The following CEP57 variants were observed in gnomAD, a reference collection of about 807,000 sequenced individuals.
CEP57 encodes the protein centrosomal protein of 57 kDa.
CEP57 carries 40 observed loss-of-function variants against 68.0 expected under a neutral mutation model. That is an observed-to-expected ratio of 0.59 (90% CI 0.46 to 0.77). The LOEUF (loss-of-function observed/expected upper bound fraction) is 0.77, where lower values mean the gene tolerates loss of function less well. CEP57 is among the 30% of genes least tolerant of loss of function. The pLI, the probability that CEP57 is intolerant of heterozygous loss-of-function variation, is 0.00. For missense variants in CEP57, 606 were observed against 580.7 expected, an observed-to-expected ratio of 1.04 and a Z score of -0.45; for synonymous variants, 219 against 198.7, an observed-to-expected ratio of 1.10 and a Z score of -0.86.
intron 8 of CEP57, 119 bp from the exon 9 acceptor site, chr11:95,827,667 T>G (rs1005554710): frequency 1.8e-6 from 2 of 1,102,324 alleles, no homozygotes; most frequent in Non-Finnish European, 2.7e-6. Context: ...AGAATAATTT[T>G]AGGATTTATA....
At chr11:95,793,424 C>T (rs571413) in intron 1 of CEP57, among the ~76,000 whole-genome samples, 14,240 of 151,694 alleles carry the variant, frequency 0.094, 930 homozygotes, top group Non-Finnish European at 0.13. Flanking sequence ...TTTGGTCCTT[C>T]GACCAAGCTG....
chr11:95,817,479 A>C (rs756243811), intron 4 of CEP57, among the ~76,000 whole-genome samples: 3 of 152,248 alleles, frequency 2.0e-5, no homozygotes, highest in Non-Finnish European at 4.4e-5. Flanking sequence ...ACTTGACAGG[A>C]CCAAACTAAA....
At chr11:95,805,680 A>C (rs1232170749) in intron 2 of CEP57, among the ~76,000 whole-genome samples, 1 of 152,234 alleles carries the variant, frequency 6.6e-6, no homozygotes, top group African/African-American at 2.4e-5. Context: ...TTTAAGATTT[A>C]TATAATATAG....
At chr11:95,819,335 C>T (rs1590948930) in intron 6 of CEP57, among the ~76,000 whole-genome samples, 1 of 152,160 alleles carries the variant, frequency 6.6e-6, no homozygotes, top group Non-Finnish European at 1.5e-5. Flanking sequence ...TTGACCCAGA[C>T]CAGTTAACAG....
intron 6 of CEP57, among the ~76,000 whole-genome samples, chr11:95,820,996 G>C (rs1862497513): frequency 6.6e-6 from 1 of 152,314 alleles, no homozygotes; most frequent in African/African-American, 2.4e-5. Context: ...ATGGAATCCA[G>C]TGGTTCTGAA....
chr11:95,820,591 A>C (rs923175428), intron 6 of CEP57, among the ~76,000 whole-genome samples: 2 of 151,918 alleles, frequency 1.3e-5, no homozygotes, highest in South Asian at 2.1e-4. Flanking sequence ...AAAAAAAAAA[A>C]AAAAAACAGT....
rs768269976 is a variant in CEP57 at position 95,821,935 on chromosome 11, A to G, written c.764A>G (p.Asn255Ser). Residue 255 changes from asparagine (N) to serine (S), a missense_variant, in exon 7 of 11, where the codon AAT becomes AGT. Physicochemically the swap from Asn to Ser is conservative, Grantham distance 46. Transcript: ENST00000325542. Reference sequence around the variant, plus strand: ...GATAAGGCAACTCCGTGTGTTCCCAATGCAAGAAGAATTAAAAAAAAGAAG... The same window carrying G: ...GATAAGGCAACTCCGTGTGTTCCCAGTGCAAGAAGAATTAAAAAAAAGAAG... ...FEDKATPCVP[N>S]ARRIKKKKSK... is the part of the protein sequence containing the mutation. The G allele has an allele frequency of 1.6e-4, 255 of 1,612,760 alleles. No homozygotes were observed. The Admixed American group carries it at 4.0e-3, about 25-fold the overall frequency.
rs866634017 is a variant in CEP57 at position 95,831,716 on chromosome 11, A to T, written c.*460A>T. On this transcript the variant is annotated 3_prime_UTR_variant, in exon 11 of 11. Transcript: ENST00000325542. ...CCTTTCCAAAGCAACCATTAAACAT[A>T]CTTTGTTTCTACTATTGGTGGAGTT... is the stretch of plus-strand genomic sequence containing the variant. 2 of 152,328 alleles carry T rather than the reference A, an allele frequency of 1.3e-5. No homozygotes were observed. Among genetic ancestry groups the T allele is most frequent in the South Asian group, 4.1e-4 (2 of 4,834 alleles). 9.4% of individuals were successfully genotyped at this position (152,328 alleles called of 1,614,324 possible). A position where few individuals can be genotyped will look rare whatever the true frequency, so the allele number is the denominator to read the frequency against.
At chr11:95,818,440 A>G (rs1189674423) in intron 5 of CEP57, among the ~76,000 whole-genome samples, 1 of 151,938 alleles carries the variant, frequency 6.6e-6, no homozygotes. Flanking sequence ...AATGTTTTTG[A>G]GTATCCTTAA....
chr11:95,804,864 G>T (rs995696225), intron 2 of CEP57, among the ~76,000 whole-genome samples: 1 of 150,350 alleles, frequency 6.7e-6, no homozygotes, highest in African/African-American at 2.5e-5. Flanking sequence ...GATTATGGGT[G>T]TGATTTTTTT....
intron 2 of CEP57, among the ~76,000 whole-genome samples, chr11:95,809,155 G>T (rs766423914): frequency 1.3e-5 from 2 of 152,116 alleles, no homozygotes; most frequent in Non-Finnish European, 2.9e-5. Flanking sequence ...TGAAACCAAC[G>T]AGAACAAAGA....
intron 1 of CEP57, chr11:95,795,448 G>A: frequency 2.4e-6 from 1 of 421,510 alleles, no homozygotes; most frequent in Middle Eastern, 3.4e-4. Flanking sequence ...GTTCTATTTA[G>A]TCATGATACG....
At chr11:95,803,859 G>C (rs1175269180) in intron 2 of CEP57, among the ~76,000 whole-genome samples, 1 of 152,014 alleles carries the variant, frequency 6.6e-6, no homozygotes, top group Non-Finnish European at 1.5e-5. Flanking sequence ...GCATTATCTG[G>C]GTTTCAGCGT....
intron 4 of CEP57, among the ~76,000 whole-genome samples, chr11:95,817,315 C>T (rs1439080713): frequency 8.6e-5 from 13 of 151,814 alleles, no homozygotes; most frequent in African/African-American, 2.7e-4. Flanking sequence ...TGCGGTGAGC[C>T]GAGATCAGCC....
chr11:95,828,650 A>G (rs559322637), intron 9 of CEP57, among the ~76,000 whole-genome samples: 24 of 152,246 alleles, frequency 1.6e-4, no homozygotes, highest in Non-Finnish European at 7.3e-5. Context: ...TAGACTTTAC[A>G]TATACAATAC....
At chr11:95,812,592 G>A (rs543496481) in intron 2 of CEP57, among the ~76,000 whole-genome samples, 5 of 151,846 alleles carry the variant, frequency 3.3e-5, no homozygotes, top group African/African-American at 9.7e-5. Context: ...ACAGGCGCCC[G>A]CCACTATGCC....
At chr11:95,828,914 C>T (rs913880025) in intron 9 of CEP57, among the ~76,000 whole-genome samples, 54 of 151,838 alleles carry the variant, frequency 3.6e-4, no homozygotes, top group African/African-American at 1.3e-3. Context: ...TGGTGGCAGG[C>T]GCCTGTAGTC....
chr11:95,796,939 G>A (rs1861373735), intron 1 of CEP57, among the ~76,000 whole-genome samples: 1 of 152,162 alleles, frequency 6.6e-6, no homozygotes, highest in South Asian at 2.1e-4. Context: ...GTGTGAAAGG[G>A]CTTCTGTATC....
At chr11:95,790,436 A>T (rs1010525597), upstream of CEP57, 8 of 570,380 alleles carry the variant, frequency 1.4e-5, no homozygotes, top group Non-Finnish European at 2.2e-5. Flanking sequence ...ATTCTCTCCT[A>T]CTACAGAAAG....
Sources: gnomAD v4.1 joint callset for allele counts (sites outside exome capture counted in the v4.1 genomes callset) on GRCh38, gnomAD v4.1.1 for gene constraint, MANE v1.5 for transcripts, NCBI Gene and HGNC (gene_info 2026-07-23, HGNC 2026-07-21) for gene names.